Variants in RABGAP1L observed in about 807,000 individuals in gnomAD.
RABGAP1L encodes the protein rab GTPase-activating protein 1-like.
RABGAP1L carries 63 observed loss-of-function variants against 137.7 expected under a neutral mutation model. That is an observed-to-expected ratio of 0.46 (90% CI 0.37 to 0.56). The LOEUF is 0.56. Ranked by LOEUF, RABGAP1L falls within the 20% of genes least tolerant of loss-of-function variation. RABGAP1L has a pLI of 0.00. For missense variants in RABGAP1L, 1,095 were observed against 1,244.0 expected (o/e 0.88, Z 1.80); for synonymous variants, 431 against 433.7 (o/e 0.99, Z 0.08).
chr1:174,879,746 A>T (rs891249277), intron 19 of RABGAP1L, among the ~76,000 whole-genome samples: 1 of 152,170 alleles, frequency 6.6e-6, no homozygotes, highest in East Asian at 1.9e-4. Flanking sequence ...AAAAAGCAAA[A>T]AGATTTGCAA....
At position 174,590,581 on chromosome 1, in the gene RABGAP1L, A is replaced by G. The variant is rs867840087; in HGVS notation, c.1711-46794A>G. ...TGATCTCATTGTTCAATTCCCACCT[A>G]TGAGTGAGAATATGCGGTGTTTGGT... On this transcript the variant is annotated intron_variant, in intron 13 of 25. Transcript: ENST00000681986. Among the ~76,000 whole-genome samples, 462 of 81,776 alleles carry G rather than the reference A, an allele frequency of 5.6e-3. 3 individuals carry two copies. Among genetic ancestry groups the G allele is most frequent in the African/African-American group, 0.023 (441 of 19,340 alleles). The allele number at this position is 81,776 out of a possible 152,430, so 53.6% of individuals were successfully genotyped here.
At chr1:174,832,388 A>G (rs1558125852) in intron 19 of RABGAP1L, among the ~76,000 whole-genome samples, 1 of 148,466 alleles carries the variant, frequency 6.7e-6, no homozygotes, top group Non-Finnish European at 1.5e-5. Context: ...CAGGAAAACT[A>G]CTACATTAGA....
intron 13 of RABGAP1L, among the ~76,000 whole-genome samples, chr1:174,617,556 T>C (rs1672004292): frequency 6.6e-6 from 1 of 152,184 alleles, no homozygotes; most frequent in Admixed American, 6.5e-5. Context: ...GATCCATGCA[T>C]CTTCTACTTT....
chr1:174,699,753 A>C, intron 16 of RABGAP1L, 103 bp downstream of exon 16: 1 of 1,141,080 alleles, frequency 8.8e-7, no homozygotes, highest in Non-Finnish European at 1.2e-6. Context: ...GTTTAATGGA[A>C]TATTATAGAA....
chr1:174,637,693 G>C (rs1455604885), intron 14 of RABGAP1L, among the ~76,000 whole-genome samples: 1 of 152,276 alleles, frequency 6.6e-6, no homozygotes, highest in Admixed American at 6.5e-5. Context: ...TGAGGGAGGA[G>C]GCGCAGCATA....
intron 1 of RABGAP1L, among the ~76,000 whole-genome samples, chr1:174,214,600 T>C: frequency 6.6e-6 from 1 of 152,164 alleles, no homozygotes; most frequent in Non-Finnish European, 1.5e-5. Context: ...TCCATAGCTA[T>C]AGTAACCAAA....
intron 7 of RABGAP1L, among the ~76,000 whole-genome samples, chr1:174,254,121 A>C (rs528283995): frequency 6.6e-6 from 1 of 151,796 alleles, no homozygotes; most frequent in Non-Finnish European, 1.5e-5. Context: ...AAGGTAGGCT[A>C]TCTAGCTCCA....
At chr1:174,622,151 G>T (rs1393787711) in intron 13 of RABGAP1L, among the ~76,000 whole-genome samples, 2 of 152,166 alleles carry the variant, frequency 1.3e-5, no homozygotes, top group African/African-American at 2.4e-5. Flanking sequence ...AAACCACAAT[G>T]AGATACCATC....
At chr1:174,590,141 T>G (rs1184871004) in intron 13 of RABGAP1L, among the ~76,000 whole-genome samples, 2 of 144,274 alleles carry the variant, frequency 1.4e-5, no homozygotes, top group African/African-American at 5.1e-5. Context: ...TTTTTTTTTT[T>G]TTTTTTTTTT....
At chr1:174,730,221 A>G (rs1682347320) in intron 17 of RABGAP1L, among the ~76,000 whole-genome samples, 2 of 152,194 alleles carry the variant, frequency 1.3e-5, no homozygotes, top group African/African-American at 4.8e-5. Context: ...CCAATGCCTC[A>G]TATTTGCACT....
Position 174,448,557 on chromosome 1 carries a change from A to G in RABGAP1L, c.1710+54412A>G, listed in dbSNP as rs999847740. 1.8e-5 allele frequency: 29 copies of G among 1,613,258 alleles called. No individual in the cohort carries two copies. The highest frequency in any genetic ancestry group is 2.3e-5 in the Non-Finnish European group (27 of 1,179,442). ...CTTGCAATAACCAAGCCTCTTTCCT[A>G]CAATCAACTGGTCACCCCTTGTCGC... On this transcript the variant is annotated intron_variant, in intron 13 of 25. Coordinates refer to ENST00000681986, the MANE Select transcript of RABGAP1L (RefSeq NM_001366446.1). This position sits in a 1 kb window ranked among gnomAD's most constrained non-coding sequence, Gnocchi z 4.2.
chr1:174,623,324 A>G (rs1303391205), intron 13 of RABGAP1L, among the ~76,000 whole-genome samples: 1 of 152,190 alleles, frequency 6.6e-6, no homozygotes, highest in Admixed American at 6.5e-5. Flanking sequence ...ACCAACAGCA[A>G]GTTAGGGAGA....
At chr1:174,477,706 C>A (rs1025533081) in intron 13 of RABGAP1L, among the ~76,000 whole-genome samples, 5 of 151,796 alleles carry the variant, frequency 3.3e-5, no homozygotes, top group African/African-American at 7.3e-5. Flanking sequence ...CAATAGGAAC[C>A]CTTATATAAT....
chr1:174,613,654 G>A (rs1289081862), intron 13 of RABGAP1L, among the ~76,000 whole-genome samples: 2 of 152,062 alleles, frequency 1.3e-5, no homozygotes, highest in Admixed American at 6.5e-5. Flanking sequence ...GTTGACAGTG[G>A]GGTGTTAAAG....
chr1:174,708,441 A>G (rs781372670), intron 17 of RABGAP1L, among the ~76,000 whole-genome samples: 5 of 152,052 alleles, frequency 3.3e-5, no homozygotes, highest in Admixed American at 6.5e-5. Flanking sequence ...CAACTGAGGT[A>G]CCCGGTTCAT....
At chr1:174,304,363 A>C (rs531299101) in intron 10 of RABGAP1L, among the ~76,000 whole-genome samples, 9 of 151,766 alleles carry the variant, frequency 5.9e-5, no homozygotes, top group African/African-American at 2.2e-4. Context: ...ATTTGAATAT[A>C]TATTTATTTG....
intron 17 of RABGAP1L, among the ~76,000 whole-genome samples, chr1:174,710,612 A>G (rs1045062242): frequency 2.0e-5 from 3 of 152,220 alleles, no homozygotes; most frequent in Non-Finnish European, 4.4e-5. Context: ...AATCCTTTAC[A>G]GACAAGCAAA....
chr1:174,423,399 T>C (rs1215276708), intron 13 of RABGAP1L, among the ~76,000 whole-genome samples: 1 of 152,178 alleles, frequency 6.6e-6, no homozygotes, highest in South Asian at 2.1e-4. Context: ...AAAATATCTT[T>C]TGGCAGCATC....
At chr1:174,859,003 G>C (rs903930836) in intron 19 of RABGAP1L, among the ~76,000 whole-genome samples, 1 of 152,124 alleles carries the variant, frequency 6.6e-6, no homozygotes, top group Non-Finnish European at 1.5e-5. Flanking sequence ...ATAGTGTGGC[G>C]ATTCCTCAAA....
Sources: gnomAD v4.1 joint callset for allele counts (sites outside exome capture counted in the v4.1 genomes callset) on GRCh38, gnomAD v4.1.1 for gene constraint, Gnocchi (gnomAD v3.1) non-coding constraint, MANE v1.5 for transcripts, NCBI Gene and HGNC (gene_info 2026-07-23, HGNC 2026-07-21) for gene names.